The following TANGO6 variants were observed in gnomAD, a reference collection of about 807,000 sequenced individuals.
The protein encoded by TANGO6 is transport and Golgi organization protein 6 homolog.
In TANGO6, 90 loss-of-function variants were observed where a neutral mutation model predicts 114.2. The observed-to-expected ratio is 0.79, with a 90% CI of 0.66 to 0.94. The LOEUF is 0.94. Ranked by LOEUF, TANGO6 falls within the 40% of genes least tolerant of loss-of-function variation. The pLI, the probability that TANGO6 is intolerant of heterozygous loss-of-function variation, is 0.00. For missense variants in TANGO6, 1,274 were observed against 1,315.3 expected, an observed-to-expected ratio of 0.97 and a Z score of 0.49; for synonymous variants, 477 against 509.8, an observed-to-expected ratio of 0.94 and a Z score of 0.87.
chr16:68,895,784 A>C (rs1396620177), intron 7 of TANGO6, among the ~76,000 whole-genome samples: 1 of 152,216 alleles, frequency 6.6e-6, no homozygotes, highest in Non-Finnish European at 1.5e-5. Context: ...ATTAGGATGC[A>C]TAGCTGTGCT....
At chr16:68,876,098 T>C (rs1421485116) in intron 5 of TANGO6, among the ~76,000 whole-genome samples, 1 of 152,208 alleles carries the variant, frequency 6.6e-6, no homozygotes, top group Non-Finnish European at 1.5e-5. Context: ...AATGTATGTA[T>C]ATATTAACAT....
intron 6 of TANGO6, among the ~76,000 whole-genome samples, chr16:68,880,076 G>A (rs763658604): frequency 2.0e-5 from 3 of 150,396 alleles, no homozygotes; most frequent in Non-Finnish European, 3.0e-5. Flanking sequence ...GGGTTCAAGC[G>A]ATTCTCCTGC....
intron 15 of TANGO6, among the ~76,000 whole-genome samples, chr16:68,975,131 C>CAT (rs1289641558): frequency 6.6e-6 from 1 of 152,114 alleles, no homozygotes; most frequent in Non-Finnish European, 1.5e-5. Flanking sequence ...CCAGGTTGTC[C>CAT]ATATATATAA....
chr16:68,980,437 T>A (rs12921783), intron 15 of TANGO6, among the ~76,000 whole-genome samples: 5,716 of 45,792 alleles, frequency 0.12, 93 homozygotes, highest in East Asian at 0.2. Context: ...ATATATATAT[T>A]TTTTTTTTTT....
intron 16 of TANGO6, among the ~76,000 whole-genome samples, chr16:69,039,580 G>A (rs1390276710): frequency 6.6e-6 from 1 of 152,030 alleles, no homozygotes; most frequent in Non-Finnish European, 1.5e-5. Context: ...AGGCTGCAGT[G>A]AGCCCTGATT....
chr16:69,042,871 G>A (rs949617122), intron 17 of TANGO6, among the ~76,000 whole-genome samples: 5 of 152,286 alleles, frequency 3.3e-5, no homozygotes, highest in African/African-American at 4.8e-5. Context: ...CAGGGACTTT[G>A]TACTATCTTT....
chr16:68,869,156 C>T (rs1962226419), intron 4 of TANGO6, among the ~76,000 whole-genome samples: 1 of 152,100 alleles, frequency 6.6e-6, no homozygotes, highest in Non-Finnish European at 1.5e-5. Context: ...CAAGCTGTCC[C>T]TCTTTTGTTT....
chr16:69,076,330 G>C (rs1441773243), intron 17 of TANGO6, among the ~76,000 whole-genome samples: 1 of 151,852 alleles, frequency 6.6e-6, no homozygotes, highest in Non-Finnish European at 1.5e-5. Context: ...GACCTCAGGT[G>C]ATCCGCCTGC....
chr16:69,007,476 G>A (rs1275566603), intron 15 of TANGO6, among the ~76,000 whole-genome samples: 1 of 151,850 alleles, frequency 6.6e-6, no homozygotes, highest in East Asian at 1.9e-4. Context: ...CACTGTGTTA[G>A]CCAGTATGAT....
At chr16:68,930,387 G>A in intron 14 of TANGO6, 92 bp downstream of exon 14, 1 of 1,033,006 alleles carries the variant, frequency 9.7e-7, no homozygotes, top group South Asian at 1.4e-5. Context: ...CTAGGGCCAG[G>A]AGACTACTGG....
chr16:68,906,525 A>G (rs1243404491), intron 9 of TANGO6, among the ~76,000 whole-genome samples: 1 of 150,946 alleles, frequency 6.6e-6, no homozygotes, highest in African/African-American at 2.4e-5. Context: ...TTATACTTTA[A>G]TTCCTCCTTG....
intron 17 of TANGO6, among the ~76,000 whole-genome samples, chr16:69,064,014 T>C (rs898861297): frequency 6.6e-6 from 1 of 151,992 alleles, no homozygotes; most frequent in African/African-American, 2.4e-5. Flanking sequence ...TTTTTGTGTT[T>C]TTAGCAGAGA....
Position 68,875,145 on chromosome 16 carries a change from T to G in TANGO6, c.995-9T>G. 3 of 1,609,812 alleles carry G rather than the reference T, an allele frequency of 1.9e-6. No homozygotes were observed. Among genetic ancestry groups the G allele is most frequent in the Non-Finnish European group, 2.5e-6 (3 of 1,176,894 alleles). On this transcript the variant is annotated splice_polypyrimidine_tract_variant and intron_variant, in intron 4 of 17. Transcript: ENST00000261778. Reference sequence around the variant, plus strand: ...TGTGAGCTGCTAACATCTCTCTCCATTGTGCCAGCGGGAGCAGCTGGTGGA... The same window carrying G: ...TGTGAGCTGCTAACATCTCTCTCCAGTGTGCCAGCGGGAGCAGCTGGTGGA...
intron 15 of TANGO6, among the ~76,000 whole-genome samples, chr16:68,999,532 A>T (rs2152220623): frequency 6.6e-6 from 1 of 152,348 alleles, no homozygotes; most frequent in Middle Eastern, 3.4e-3. Flanking sequence ...ACAGATTCTT[A>T]TTACACTTAT....
chr16:68,953,089 A>ATTATTG (rs1247039007), intron 14 of TANGO6, among the ~76,000 whole-genome samples: 1 of 131,458 alleles, frequency 7.6e-6, no homozygotes, highest in Non-Finnish European at 1.7e-5. Flanking sequence ...TATTATTATT[A>ATTATTG]TTTTGTGTGT....
At chr16:69,030,604 T>C (rs1478388400) in intron 16 of TANGO6, among the ~76,000 whole-genome samples, 1 of 152,018 alleles carries the variant, frequency 6.6e-6, no homozygotes, top group African/African-American at 2.4e-5. Context: ...CATGTTACTT[T>C]ATAGCCTCCT....
intron 17 of TANGO6, among the ~76,000 whole-genome samples, chr16:69,044,641 G>T (rs1959822631): frequency 1.3e-5 from 2 of 152,136 alleles, no homozygotes; most frequent in African/African-American, 4.8e-5. Flanking sequence ...GGAAGGGAAA[G>T]ATCCAAAGAG....
intron 14 of TANGO6, among the ~76,000 whole-genome samples, chr16:68,954,454 C>T (rs997511160): frequency 6.6e-6 from 1 of 152,096 alleles, no homozygotes; most frequent in Non-Finnish European, 1.5e-5. Context: ...CTCTCCTTTT[C>T]TCTCTTTCAT....
At chr16:69,031,061 T>C (rs1055500605) in intron 16 of TANGO6, among the ~76,000 whole-genome samples, 1 of 151,776 alleles carries the variant, frequency 6.6e-6, no homozygotes, top group South Asian at 2.1e-4. Context: ...TCTCAAAAAA[T>C]AAAATTAAAT....
Sources: allele counts gnomAD v4.1 joint callset (sites outside exome capture counted in the v4.1 genomes callset), GRCh38; gene constraint gnomAD v4.1.1; transcripts MANE v1.5; gene names NCBI Gene and HGNC (gene_info 2026-07-23, HGNC 2026-07-21).